URB1: variants seen among roughly 807,000 people sequenced by gnomAD.
URB1 encodes the protein nucleolar pre-ribosomal-associated protein 1.
URB1 carries 197 observed loss-of-function variants against 242.3 expected under a neutral mutation model. That is an observed-to-expected ratio of 0.81 (90% CI 0.72 to 0.91). URB1 has a LOEUF of 0.91. Ranked by LOEUF, URB1 falls within the 40% of genes least tolerant of loss-of-function variation. URB1 has a pLI of 0.00. For missense variants in URB1, 2,721 were observed against 2,860.5 expected (o/e 0.95, Z 1.11); for synonymous variants, 1,153 against 1,201.8 (o/e 0.96, Z 0.84).
chr21:32,382,871 C>CCTG (rs2033541765), intron 4 of URB1, among the ~76,000 whole-genome samples: 1 of 152,200 alleles, frequency 6.6e-6, no homozygotes, highest in African/African-American at 2.4e-5. Flanking sequence ...ATTTTTGTTT[C>CCTG]ACAGGTTTCC....
chr21:32,346,811 T>C (rs2033090914), intron 22 of URB1, 145 bp downstream of exon 22: 5 of 1,215,648 alleles, frequency 4.1e-6, no homozygotes, highest in Admixed American at 3.0e-5. Context: ...TCCACCTTTC[T>C]CCATCTTCAG....
Position 32,347,187 on chromosome 21 carries a change from CG to C in URB1, c.3636del (p.Ala1213GlnfsTer86). Reference sequence around the variant, plus strand: ...TAGTCAAGCAGATCAGCCCCGACTGCGGGGGCCAGCACAGGGTCTCTCTGCA... The same window carrying C: ...TAGTCAAGCAGATCAGCCCCGACTGCGGGGCCAGCACAGGGTCTCTCTGCA... ...HTLQRDPVLAPAVGADLLDYC... is the reference protein window; with the variant it reads ...HTLQRDPVLAXAVGADLLDYC... On this transcript the variant is annotated frameshift_variant, in exon 22 of 39. Transcript: ENST00000382751. LOFTEE classifies it high-confidence loss of function. 1 of 1,549,650 alleles carries C rather than the reference CG, an allele frequency of 6.5e-7. No individual in the cohort carries two copies.
At chr21:32,350,179 T>C (rs960079460) in intron 20 of URB1, among the ~76,000 whole-genome samples, 2 of 150,088 alleles carry the variant, frequency 1.3e-5, no homozygotes, top group Non-Finnish European at 3.0e-5. Context: ...ATGCCTGCAA[T>C]CCCAGCACTG....
intron 12 of URB1, 40 bp from the exon 13 acceptor site, chr21:32,361,163 G>GAAAGAAAAAGAGAAA: frequency 1.9e-6 from 1 of 537,350 alleles, no homozygotes; most frequent in South Asian, 2.5e-5. Flanking sequence ...AGAGAAAAAA[G>GAAAGAAAAAGAGAAA]AAAGAAAGAA....
chr21:32,322,032 G>A, intron 33 of URB1, 88 bp from the exon 34 acceptor site: 2 of 1,471,484 alleles, frequency 1.4e-6, no homozygotes, highest in Non-Finnish European at 1.8e-6. Context: ...TTTAAGTGGT[G>A]GCAAAAGTTG....
At chr21:32,340,626 A>C (rs2033019212) in intron 25 of URB1, among the ~76,000 whole-genome samples, 1 of 152,204 alleles carries the variant, frequency 6.6e-6, no homozygotes, top group Admixed American at 6.5e-5. Flanking sequence ...AAACAAAAAC[A>C]AAAAATTTGC....
intron 22 of URB1, among the ~76,000 whole-genome samples, chr21:32,346,018 G>A (rs1016916046): frequency 1.3e-5 from 2 of 152,200 alleles, no homozygotes; most frequent in Non-Finnish European, 2.9e-5. Context: ...AGGTGTTTGG[G>A]TCATGGAGGC....
Position 32,338,843 on chromosome 21 carries a change from C to T in URB1, c.4374G>A (p.Leu1458=), listed in dbSNP as rs1179225526. ...TGCGCACGGAGCTTTCTGGGCTGTA[C>T]AGGAGCTGTACGGCGGTGAGGAGCA... The part of the protein sequence containing the change: ...LKMLLTAVQL[L]YSPESSVRTK... The change falls in exon 26 of 39, where the codon CTG becomes CTA. Residue 1458 remains leucine (L), a synonymous_variant. Transcript: ENST00000382751. 6.4e-7 allele frequency: 1 copy of T among 1,551,666 alleles called. No individual in the cohort carries two copies.
At position 32,313,444 on chromosome 21, in the gene URB1, A is replaced by C. The variant is rs2032626160; in HGVS notation, c.*1474T>G. 6.6e-6 allele frequency: 1 copy of C among 152,258 alleles called. No homozygotes were observed. The highest frequency in any genetic ancestry group is 1.5e-5 in the Non-Finnish European group (1 of 68,058). The allele number at this position is 152,258 out of a possible 1,614,324, so 9.4% of individuals were successfully genotyped here. A position where few individuals can be genotyped will look rare whatever the true frequency, so the allele number is the denominator to read the frequency against. ...GCTTGGATCTAAACGTGGGATTTCA[A>C]GTTCAGGATAGTCTCAAAGAATAGC... On this transcript the variant is annotated 3_prime_UTR_variant, in exon 39 of 39. Coordinates refer to ENST00000382751, the MANE Select transcript of URB1 (RefSeq NM_014825.3).
chr21:32,347,471 G>A lies in URB1; in HGVS notation c.3353C>T (p.Ala1118Val), dbSNP rs2033104990. 3 of 1,550,786 alleles carry A rather than the reference G, an allele frequency of 1.9e-6. No individual in the cohort carries two copies. Among genetic ancestry groups the A allele is most frequent in the South Asian group, 1.2e-5 (1 of 83,962 alleles). ...LQELHPYMEG[A>V]QLREVTLALL... ...GGCCAGGGTGACCTCACGGAGCTGG[G>A]CACCCTCCATGTATGGATGCAGCTC... The change falls in exon 22 of 39, where the codon GCC becomes GTC. Residue 1118 changes from alanine to valine, a missense_variant. Coordinates refer to ENST00000382751, the MANE Select transcript of URB1 (RefSeq NM_014825.3).
chr21:32,340,082 A>C (rs2033011516), intron 25 of URB1, among the ~76,000 whole-genome samples: 1 of 152,260 alleles, frequency 6.6e-6, no homozygotes, highest in Admixed American at 6.5e-5. Context: ...TAAGATGGAA[A>C]GAAATATCAT....
Position 32,330,771 on chromosome 21 carries a change from C to T in URB1, c.4960+2546G>A, listed in dbSNP as rs552926071. 1.1e-3 allele frequency among the ~76,000 whole-genome samples: 170 copies of T among 152,318 alleles called. 1 individual carries two copies. The highest frequency in any genetic ancestry group is 2.0e-3 in the Non-Finnish European group (133 of 68,028). ...CTGCAGTTAGCCTGCTGCTTAAAAT[C>T]GCCATCAGGGCAATTAAGATATCCA... On this transcript the variant is annotated intron_variant, in intron 30 of 38. Coordinates refer to ENST00000382751, the MANE Select transcript of URB1 (RefSeq NM_014825.3).
In URB1 at chr21:32,321,824, G is replaced by C. The variant is rs767040507; in HGVS notation, c.5461C>G (p.Pro1821Ala). 20 of 1,551,594 alleles carry C rather than the reference G, an allele frequency of 1.3e-5. No individual in the cohort carries two copies. Among genetic ancestry groups the C allele is most frequent in the Non-Finnish European group, 1.7e-5 (20 of 1,147,012 alleles). Reference sequence around the variant, plus strand: ...ACCTGTGCTGCCTCGTCACACAGCGGGCTGTGGAAGAAGGACAGGATGATG... The same window carrying C: ...ACCTGTGCTGCCTCGTCACACAGCGCGCTGTGGAAGAAGGACAGGATGATG... Reference protein sequence around the residue: ...FHIILSFFHSPLCDEAAQNWI... With the variant: ...FHIILSFFHSALCDEAAQNWI... Residue 1821 changes from proline to alanine, a missense_variant, in exon 34 of 39, where the codon CCG (proline) becomes GCG (alanine). Coordinates refer to ENST00000382751, the MANE Select transcript of URB1 (RefSeq NM_014825.3).
At position 32,324,528 on chromosome 21, in the gene URB1, G is replaced by A; in HGVS notation, c.5196C>T (p.Leu1732=). The A allele has an allele frequency of 6.4e-7, 1 of 1,551,950 alleles. No individual in the cohort carries two copies. The highest frequency in any genetic ancestry group is 8.7e-7 in the Non-Finnish European group (1 of 1,147,038). The part of the protein sequence containing the change: ...QDMRLTFTLA[L]FIAKAALQIL... ...TCTGCAGGGCTGCTTTGGCAATGAAGAGAGCCAAGGTAAAAGTAAGTCTCA... is the reference window on the plus strand; with the variant it reads ...TCTGCAGGGCTGCTTTGGCAATGAAAAGAGCCAAGGTAAAAGTAAGTCTCA... Residue 1732 remains leucine, a synonymous_variant, in exon 32 of 39, where the codon CTC becomes CTT. Transcript: ENST00000382751.
At chr21:32,315,421 C>T (rs1408271347) in intron 38 of URB1, among the ~76,000 whole-genome samples, 2 of 151,930 alleles carry the variant, frequency 1.3e-5, no homozygotes, top group African/African-American at 4.8e-5. Flanking sequence ...TCAGGTGATC[C>T]TCCCACCTCA....
Position 32,339,403 on chromosome 21 carries a change from T to A in URB1, c.4317-503A>T, listed in dbSNP as rs1464948021. 2.0e-5 allele frequency among the ~76,000 whole-genome samples: 3 copies of A among 152,112 alleles called. No homozygotes were observed. The East Asian group carries it at 5.8e-4, about 29-fold the overall frequency. ...GCTCTACCACTGACACGGCACTGCA[T>A]AGCTCTATCACAGTCTTGTCTGTCC... On this transcript the variant is annotated intron_variant, in intron 25 of 38. Transcript: ENST00000382751.
intron 26 of URB1, 87 bp downstream of exon 26, chr21:32,338,620 A>G: frequency 7.1e-7 from 1 of 1,417,102 alleles, no homozygotes; most frequent in Non-Finnish European, 9.7e-7. Context: ...CGAGAGCCGG[A>G]GGGAGATGAG....
intron 35 of URB1, 73 bp from the exon 36 acceptor site, chr21:32,319,487 T>C: frequency 2.2e-6 from 3 of 1,358,010 alleles, no homozygotes; most frequent in Non-Finnish European, 2.9e-6. Flanking sequence ...TCGCCCTCCA[T>C]AATCCTATCT....
Position 32,366,148 on chromosome 21 carries a change from C to T in URB1, c.1335+470G>A, listed in dbSNP as rs1447262864. On this transcript the variant is annotated intron_variant, in intron 10 of 38. Transcript: ENST00000382751. Reference sequence around the variant, plus strand: ...GTCCTCCAAAAATGCCTGAAAACAGCTGGCCTTCAAAGTATATGTTTGCCA... The same window carrying T: ...GTCCTCCAAAAATGCCTGAAAACAGTTGGCCTTCAAAGTATATGTTTGCCA... Among the ~76,000 whole-genome samples, 5 of 152,164 alleles carry T rather than the reference C, an allele frequency of 3.3e-5. No homozygotes were observed. The South Asian group carries it at 8.3e-4, about 25-fold the overall frequency.
Sources: gnomAD v4.1 joint callset for allele counts (sites outside exome capture counted in the v4.1 genomes callset) on GRCh38, gnomAD v4.1.1 for gene constraint, MANE v1.5 for transcripts, NCBI Gene and HGNC (gene_info 2026-07-23, HGNC 2026-07-21) for gene names.